The following COL21A1 variants were observed in gnomAD, a reference collection of about 807,000 sequenced individuals.
COL21A1 encodes collagen type XXI alpha 1 chain.
A neutral mutation model predicts 137.9 loss-of-function variants in COL21A1; 149 were observed. The observed-to-expected ratio is 1.08, with a 90% confidence interval of 0.95 to 1.24. The LOEUF is 1.24. COL21A1 is among the 50% of genes most tolerant of loss of function. COL21A1 has a pLI of 0.00. For missense variants in COL21A1, 1,167 were observed against 1,158.4 expected (o/e 1.01, Z -0.11); for synonymous variants, 456 against 391.5 (o/e 1.16, Z -1.95).
intron 1 of COL21A1, among the ~76,000 whole-genome samples, chr6:56,323,086 C>T (rs879940555): frequency 6.6e-6 from 1 of 151,832 alleles, no homozygotes. Flanking sequence ...ACACTATTTG[C>T]GTGATAGTTA....
intron 1 of COL21A1, among the ~76,000 whole-genome samples, chr6:56,384,115 G>T (rs2094013470): frequency 6.6e-6 from 1 of 152,172 alleles, no homozygotes; most frequent in Admixed American, 6.5e-5. Flanking sequence ...GCTAGGCAGT[G>T]CATGGAAATT....
chr6:56,338,065 C>G (rs545064477), intron 1 of COL21A1, among the ~76,000 whole-genome samples: 2 of 149,532 alleles, frequency 1.3e-5, no homozygotes, highest in African/African-American at 4.9e-5. Flanking sequence ...CGGGTTCAAG[C>G]GATTCTCCTG....
intron 1 of COL21A1, chr6:56,276,408 T>G: frequency 1.8e-6 from 1 of 567,644 alleles, no homozygotes; most frequent in South Asian, 2.2e-5. Flanking sequence ...TAAAAAGGTT[T>G]CCTGTTTTGA....
intron 1 of COL21A1, among the ~76,000 whole-genome samples, chr6:56,241,172 G>A (rs545352670): frequency 1.8e-4 from 27 of 152,270 alleles, no homozygotes; most frequent in African/African-American, 6.5e-4. Context: ...TTGAACGCAA[G>A]GCCTTTCGGA....
rs562449203 is a variant in COL21A1 at position 56,167,371 on chromosome 6, T to C, written c.1201-388A>G. Among the ~76,000 whole-genome samples the C allele has an allele frequency of 9.2e-5, 14 of 152,232 alleles. No individual in the cohort carries two copies. In the East Asian group the frequency reaches 1.5e-3, roughly 17 times the overall value. On this transcript the variant is annotated intron_variant, in intron 6 of 29. Transcript: ENST00000244728. ...ATAGGGTGGACTCAAGAAGCCATCTTTGGTCTTCGCTATTTAGTTGCTGGC... is the reference window on the plus strand; with the variant it reads ...ATAGGGTGGACTCAAGAAGCCATCTCTGGTCTTCGCTATTTAGTTGCTGGC...
intron 1 of COL21A1, among the ~76,000 whole-genome samples, chr6:56,287,520 C>T (rs902316995): frequency 2.0e-5 from 3 of 151,958 alleles, no homozygotes; most frequent in African/African-American, 7.3e-5. Context: ...TATAGCACCT[C>T]CCCCTTCTCT....
chr6:56,281,333 T>C (rs1323294711), intron 1 of COL21A1, among the ~76,000 whole-genome samples: 1 of 152,138 alleles, frequency 6.6e-6, no homozygotes. Flanking sequence ...CATTTCACAT[T>C]TAAGTCATAA....
chr6:56,368,535 A>G (rs1485303142), intron 1 of COL21A1, among the ~76,000 whole-genome samples: 1 of 152,242 alleles, frequency 6.6e-6, no homozygotes, highest in African/African-American at 2.4e-5. Flanking sequence ...GTGGCTATCC[A>G]GGGCAGTGAC....
rs573067615 is a variant in COL21A1 at position 56,101,321 on chromosome 6, G to A, written c.1812+151C>T. 10 of 689,644 alleles carry A rather than the reference G, an allele frequency of 1.5e-5. No homozygotes were observed. The African/African-American group carries it at 1.6e-4, about 11-fold the overall frequency. 42.7% of individuals were successfully genotyped at this position (689,644 alleles called of 1,614,324 possible). A position where few individuals can be genotyped will look rare whatever the true frequency, so the allele number is the denominator to read the frequency against. On this transcript the variant is annotated intron_variant, in intron 17 of 29. Transcript: ENST00000244728. ...AGGATTCAACATTTCAATATTTTAT[G>A]GTGTTTCACAAGCAGCTTCTACAAC...
At position 56,057,737 on chromosome 6, in the gene COL21A1, G is replaced by A. The variant is rs759045064; in HGVS notation, c.2794C>T (p.Pro932Ser). 8 of 1,612,500 alleles carry A rather than the reference G, an allele frequency of 5.0e-6. No individual in the cohort carries two copies. In the African/African-American group the frequency reaches 6.7e-5, roughly 13 times the overall value. ...GKPGIQGQPGPPGICDPSLCF... is the reference protein window; with the variant it reads ...GKPGIQGQPGSPGICDPSLCF... ...AGTGATGGGTCGCAGATGCCTGGGG[G>A]GCCTGGTTGCCCTTGGATTCCAGGT... Residue 932 changes from proline to serine, a missense_variant, in exon 30 of 30, where the codon CCC becomes TCC. Coordinates refer to ENST00000244728, the MANE Select transcript of COL21A1 (RefSeq NM_030820.4).
At chr6:56,337,170 T>C (rs1467905540) in intron 1 of COL21A1, among the ~76,000 whole-genome samples, 4 of 152,186 alleles carry the variant, frequency 2.6e-5, no homozygotes, top group Non-Finnish European at 5.9e-5. Context: ...CATGACAATG[T>C]TGGACACCCC....
At chr6:56,348,474 A>G (rs1054978621) in intron 1 of COL21A1, among the ~76,000 whole-genome samples, 2 of 152,184 alleles carry the variant, frequency 1.3e-5, no homozygotes, top group African/African-American at 4.8e-5. Context: ...GCTCAGCTCC[A>G]CCTGGCCATC....
intron 1 of COL21A1, among the ~76,000 whole-genome samples, chr6:56,206,702 AT>A (rs1779810283): frequency 1.5e-4 from 2 of 13,030 alleles, no homozygotes; most frequent in African/African-American, 1.6e-3. Flanking sequence ...AAATAAATAT[AT>A]ATATATATAT....
intron 1 of COL21A1, among the ~76,000 whole-genome samples, chr6:56,257,378 T>C (rs1353035574): frequency 6.6e-6 from 1 of 151,916 alleles, no homozygotes; most frequent in Non-Finnish European, 1.5e-5. Context: ...CTTAAAATAT[T>C]CATACCCTTT....
At chr6:56,246,151 T>C (rs543329422) in intron 1 of COL21A1, among the ~76,000 whole-genome samples, 1 of 152,136 alleles carries the variant, frequency 6.6e-6, no homozygotes, top group South Asian at 2.1e-4. Context: ...CCTGCAACAC[T>C]GAATTCCCTT....
In COL21A1 at chr6:56,057,250, G is replaced by C; in HGVS notation, c.*407C>G. The C allele has an allele frequency of 3.7e-6, 1 of 267,698 alleles. No homozygotes were observed. Among genetic ancestry groups the C allele is most frequent in the Non-Finnish European group, 7.1e-6 (1 of 140,916 alleles). 16.6% of individuals were successfully genotyped at this position (267,698 alleles called of 1,614,324 possible). A position where few individuals can be genotyped will look rare whatever the true frequency, so the allele number is the denominator to read the frequency against. ...TGATGAGATACATGTTTTGGCTTAT[G>C]TAGTAGCATGAGCTATGAGATAGGA... On this transcript the variant is annotated 3_prime_UTR_variant, in exon 30 of 30. Coordinates refer to ENST00000244728, the MANE Select transcript of COL21A1 (RefSeq NM_030820.4).
intron 1 of COL21A1, among the ~76,000 whole-genome samples, chr6:56,338,437 C>G (rs902161951): frequency 6.6e-6 from 1 of 152,082 alleles, no homozygotes; most frequent in Admixed American, 6.6e-5. Context: ...TAGGCTCCAC[C>G]CTGACCCTTT....
Position 56,236,868 on chromosome 6 carries a change from C to T in COL21A1, c.-39+10519G>A, listed in dbSNP as rs1781937860. Among the ~76,000 whole-genome samples the T allele has an allele frequency of 2.0e-5, 3 of 151,986 alleles. No individual in the cohort carries two copies. The South Asian group carries it at 6.2e-4, about 32-fold the overall frequency. On this transcript the variant is annotated intron_variant, in intron 1 of 29. Transcript: ENST00000244728. ...TTCAATGTTTTTACAGCTGACAATA[C>T]CTCCTTGCTGCGAAAGTGATGAAAT...
intron 1 of COL21A1, among the ~76,000 whole-genome samples, chr6:56,221,134 G>A (rs1037686340): frequency 6.6e-6 from 1 of 152,026 alleles, no homozygotes; most frequent in African/African-American, 2.4e-5. Context: ...ATGCATTTTA[G>A]GAGGTTTGCA....
Sources: gnomAD v4.1 joint callset for allele counts (sites outside exome capture counted in the v4.1 genomes callset) on GRCh38, gnomAD v4.1.1 for gene constraint, MANE v1.5 for transcripts, NCBI Gene and HGNC (gene_info 2026-07-23, HGNC 2026-07-21) for gene names.